Variants in DPP6 observed in about 807,000 individuals in gnomAD.
The protein encoded by DPP6 is dipeptidyl peptidase like 6, also known as A-type potassium channel modulatory protein DPP6.
In DPP6, 69 loss-of-function variants were observed where a neutral mutation model predicts 122.6. The ratio of observed to expected loss-of-function variants is 0.56; its 90% CI spans 0.46 to 0.69. DPP6 has a LOEUF of 0.69. Among genes scored for constraint, DPP6 ranks in the 30% least tolerant of loss-of-function variants. DPP6 has a pLI of 0.00. For synonymous variants in DPP6, 418 were observed against 433.1 expected, an observed-to-expected ratio of 0.97 and a Z score of 0.43; for missense variants, 928 against 1,116.9, an observed-to-expected ratio of 0.83 and a Z score of 2.41.
rs565789999 is a variant in DPP6, at chr7:154,755,833, A to G, written c.884-13584A>G. Among the ~76,000 whole-genome samples the G allele has an allele frequency of 1.5e-4, 22 of 151,680 alleles. No homozygotes were observed. In the South Asian group the frequency reaches 2.7e-3, roughly 19 times the overall value. ...GAGTGGGGCGCGTCCCAGGTCGGGA[A>G]TGTTAGGACAAGGTGGCCTCTGTCT... On this transcript the variant is annotated intron_variant, in intron 8 of 25. Transcript: ENST00000377770. The surrounding 1 kb of genome is among the most constrained non-coding windows in gnomAD (Gnocchi z 4.7).
intron 1 of DPP6, among the ~76,000 whole-genome samples, chr7:154,102,698 A>T (rs1193788072): frequency 6.6e-6 from 1 of 152,192 alleles, no homozygotes; most frequent in African/African-American, 2.4e-5. Context: ...TCACAAGAGG[A>T]TAACTGAATG....
intron 5 of DPP6, among the ~76,000 whole-genome samples, chr7:154,584,880 A>C (rs968651869): frequency 3.4e-4 from 52 of 152,326 alleles, no homozygotes; most frequent in African/African-American, 9.9e-4. Context: ...TCCTGATTTC[A>C]ATTTAAAAGC....
rs184143676 is a variant in DPP6 at position 154,809,074 on chromosome 7, A to G, written c.1666+1962A>G. ...CAACTTTATGGATTTGTATTTCCCA[A>G]ATTCTTACTATAACCAGCAAGAAGG... On this transcript the variant is annotated intron_variant, in intron 16 of 25. Transcript: ENST00000377770. Among the ~76,000 whole-genome samples, 100 of 152,274 alleles carry G rather than the reference A, an allele frequency of 6.6e-4. 1 individual carries two copies. The highest frequency in any genetic ancestry group is 4.8e-3 in the South Asian group (23 of 4,820).
intron 7 of DPP6, 93 bp from the exon 8 acceptor site, chr7:154,727,674 A>G (rs972229239): frequency 6.9e-6 from 10 of 1,458,458 alleles, no homozygotes; most frequent in East Asian, 2.5e-5. Context: ...CAGGAAAATG[A>G]AAACCCGGTT....
intron 1 of DPP6, among the ~76,000 whole-genome samples, chr7:154,437,112 T>G (rs553029440): frequency 6.6e-6 from 1 of 152,300 alleles, no homozygotes; most frequent in East Asian, 1.9e-4. Flanking sequence ...CTATGTTAGC[T>G]TCCCTGACAA....
At chr7:154,881,358 C>T (rs549845628) in intron 21 of DPP6, among the ~76,000 whole-genome samples, 4 of 152,298 alleles carry the variant, frequency 2.6e-5, no homozygotes, top group African/African-American at 9.6e-5. Flanking sequence ...GGGAGGGTCG[C>T]GCAGTGAACT....
the DPP6 span, among the ~76,000 whole-genome samples, chr7:153,866,423 A>C: frequency 6.6e-6 from 1 of 151,970 alleles, no homozygotes; most frequent in Non-Finnish European, 1.5e-5. Context: ...GCATTTTTTC[A>C]TGTGTTTTTT....
At chr7:154,460,714 C>A (rs1010669968) in intron 2 of DPP6, among the ~76,000 whole-genome samples, 1 of 152,032 alleles carries the variant, frequency 6.6e-6, no homozygotes. Flanking sequence ...TTTTTAATTT[C>A]TGTGGGTACA....
At chr7:153,921,577 C>T (rs1437550158) in intron 1 of DPP6, among the ~76,000 whole-genome samples, 1 of 152,190 alleles carries the variant, frequency 6.6e-6, no homozygotes, top group Non-Finnish European at 1.5e-5. Context: ...CTGCCCAAGG[C>T]CAGCCACAGT....
At chr7:154,442,815 C>A (rs560099584) in intron 1 of DPP6, among the ~76,000 whole-genome samples, 1 of 152,286 alleles carries the variant, frequency 6.6e-6, no homozygotes, top group East Asian at 1.9e-4. Context: ...CAGAATTCAG[C>A]TACTTCCCAG....
intron 1 of DPP6, among the ~76,000 whole-genome samples, chr7:154,409,386 C>A (rs931801971): frequency 6.6e-6 from 1 of 152,120 alleles, no homozygotes; most frequent in Non-Finnish European, 1.5e-5. Context: ...CCTGCTGACA[C>A]CTTCATCTTG....
chr7:153,773,086 G>C, the DPP6 span, among the ~76,000 whole-genome samples: 3 of 147,568 alleles, frequency 2.0e-5, no homozygotes, highest in African/African-American at 7.4e-5. Context: ...AAGCAAACAG[G>C]GGTATTGCAT....
chr7:154,594,283 T>C (rs563203075), intron 5 of DPP6, among the ~76,000 whole-genome samples: 4 of 152,306 alleles, frequency 2.6e-5, no homozygotes, highest in Non-Finnish European at 5.9e-5. Flanking sequence ...GTATTAATGC[T>C]ATTTCCAAAA....
the DPP6 span, among the ~76,000 whole-genome samples, chr7:153,764,877 C>T: frequency 6.6e-6 from 1 of 152,144 alleles, no homozygotes; most frequent in South Asian, 2.1e-4. Context: ...CATGGGGCTG[C>T]CTGAGATTTT....
At chr7:153,954,730 TC>T (rs1334095884) in intron 1 of DPP6, among the ~76,000 whole-genome samples, 1 of 152,214 alleles carries the variant, frequency 6.6e-6, no homozygotes, top group Non-Finnish European at 1.5e-5. Flanking sequence ...GAGGGAATTC[TC>T]CAGCAGACGG....
intron 1 of DPP6, among the ~76,000 whole-genome samples, chr7:154,273,446 A>G (rs955951636): frequency 2.0e-5 from 3 of 152,218 alleles, no homozygotes; most frequent in African/African-American, 7.2e-5. Flanking sequence ...TCTCACCATT[A>G]GGATCATCAT....
chr7:154,347,041 T>C (rs1810458860), intron 1 of DPP6, among the ~76,000 whole-genome samples: 1 of 152,228 alleles, frequency 6.6e-6, no homozygotes, highest in Non-Finnish European at 1.5e-5. Context: ...TGTATGTGCA[T>C]GCACGTACAC....
chr7:153,974,108 C>G (rs544719104), intron 1 of DPP6, among the ~76,000 whole-genome samples: 50 of 152,298 alleles, frequency 3.3e-4, no homozygotes, highest in African/African-American at 1.2e-3. Flanking sequence ...AAAAGCCTTT[C>G]TTTATGAGAA....
intron 1 of DPP6, among the ~76,000 whole-genome samples, chr7:154,024,806 C>T (rs1183830323): frequency 6.6e-6 from 1 of 152,216 alleles, no homozygotes; most frequent in Non-Finnish European, 1.5e-5. Flanking sequence ...CTTTCTCCTC[C>T]TACTTTTCTC....
Sources: gnomAD v4.1 joint callset for allele counts (sites outside exome capture counted in the v4.1 genomes callset) on GRCh38, gnomAD v4.1.1 for gene constraint, Gnocchi (gnomAD v3.1) non-coding constraint, MANE v1.5 for transcripts, NCBI Gene and HGNC (gene_info 2026-07-23, HGNC 2026-07-21) for gene names.